RPL7A: variants seen among roughly 807,000 people sequenced by gnomAD.
RPL7A encodes the protein large ribosomal subunit protein eL8.
For missense variants in RPL7A, 291 were observed against 338.2 expected (o/e 0.86, Z 1.09); for synonymous variants, 158 against 128.2 (o/e 1.23, Z -1.57).
rs1836301567 is a variant in RPL7A, at chr9:133,349,022, G to A, written c.104G>A (p.Arg35Lys). The A allele has an allele frequency of 6.2e-7, 1 of 1,613,934 alleles. No homozygotes were observed. Among genetic ancestry groups the A allele is most frequent in the Non-Finnish European group, 8.5e-7 (1 of 1,179,948 alleles). Residue 35 changes from arginine to lysine, a missense_variant, in exon 2 of 8, where the codon AGG (arginine) becomes AAG (lysine). Coordinates refer to ENST00000323345, the MANE Select transcript of RPL7A (RefSeq NM_000972.3). ...KKVVNPLFEK[R>K]PKNFGIGQDI... is the part of the protein sequence containing the mutation. ...GTGGTGAATCCCCTGTTTGAGAAAA[G>A]GCCTAAGAATTTTGGCATTGGTAAG...
chr9:133,351,068 T>G lies in RPL7A; in HGVS notation c.693T>G (p.Asp231Glu). The change falls in exon 7 of 8, where the codon GAT becomes GAG. Residue 231 changes from aspartate (D) to glutamate (E), a missense_variant. Asp to Glu is a conservative substitution (Grantham distance 45, BLOSUM62 2). Transcript: ENST00000323345. ...AIRTNYNDRY[D>E]EIRRHWGGNV... ...GGACCAATTACAATGACAGATACGATGAGGTAAGAGGCAGCTTTACACCAA... is the reference window on the plus strand; with the variant it reads ...GGACCAATTACAATGACAGATACGAGGAGGTAAGAGGCAGCTTTACACCAA... 1 of 1,613,888 alleles carries G rather than the reference T, an allele frequency of 6.2e-7. No homozygotes were observed. Among genetic ancestry groups the G allele is most frequent in the Non-Finnish European group, 8.5e-7 (1 of 1,179,910 alleles).
At chr9:133,348,684 G>A in intron 1 of RPL7A, 4 of 711,064 alleles carry the variant, frequency 5.6e-6, no homozygotes, top group Non-Finnish European at 1.0e-5. Context: ...CGAAGAGAGC[G>A]TGGTCTCGGG....
intron 1 of RPL7A, 155 bp downstream of exon 1, chr9:133,348,401 C>T (rs1296550577): frequency 1.1e-5 from 12 of 1,081,302 alleles, no homozygotes; most frequent in East Asian, 2.4e-5. Flanking sequence ...GGATTAGAGC[C>T]CCACTTGGTG....
intron 7 of RPL7A, 80 bp from the exon 8 acceptor site, chr9:133,351,182 A>G: frequency 6.5e-7 from 1 of 1,544,358 alleles, no homozygotes; most frequent in Non-Finnish European, 8.9e-7. Flanking sequence ...GGAACAGCCA[A>G]ACAGAATTAA....
intron 6 of RPL7A, 28 bp downstream of exon 6, chr9:133,350,755 C>A: frequency 1.2e-6 from 2 of 1,608,570 alleles, no homozygotes; most frequent in Non-Finnish European, 1.7e-6. Flanking sequence ...CCCCAAACTT[C>A]CCCCCAGTTC....
rs1417901478 is a variant in RPL7A at position 133,348,914 on chromosome 9, C to T, written c.4-8C>T. ...CGGCGGTTTAACTGACGTTTTCTTT[C>T]TGCCCAGCCGAAAGGAAAGAAGGCC... On this transcript the variant is annotated splice_polypyrimidine_tract_variant and splice_region_variant and intron_variant, in intron 1 of 7. Coordinates refer to ENST00000323345, the MANE Select transcript of RPL7A (RefSeq NM_000972.3). The T allele has an allele frequency of 1.9e-6, 3 of 1,613,374 alleles. No homozygotes were observed. Among genetic ancestry groups the T allele is most frequent in the Middle Eastern group, 1.6e-4 (1 of 6,078 alleles).
At chr9:133,348,650 G>A in intron 1 of RPL7A, 2 of 673,484 alleles carry the variant, frequency 3.0e-6, no homozygotes, top group Non-Finnish European at 5.5e-6. Context: ...TCATGAGTCC[G>A]GGGTGTCTCC....
chr9:133,348,823 T>C (rs1393772105), intron 1 of RPL7A, 99 bp from the exon 2 acceptor site: 2 of 1,584,890 alleles, frequency 1.3e-6, no homozygotes, highest in East Asian at 2.2e-5. Context: ...TTCAGGCAGG[T>C]GCTGTCAGCG....
rs1836397147 is a variant in RPL7A, at chr9:133,351,410, A to T, written c.*44A>T. On this transcript the variant is annotated 3_prime_UTR_variant, in exon 8 of 8. Transcript: ENST00000323345. ...TCTGTACATAAAAATAATTGAAATAATACAAATTTTCCTTCAGCCAGTGTC... is the reference window on the plus strand; with the variant it reads ...TCTGTACATAAAAATAATTGAAATATTACAAATTTTCCTTCAGCCAGTGTC... 7.1e-7 allele frequency: 1 copy of T among 1,406,156 alleles called. No homozygotes were observed. Among genetic ancestry groups the T allele is most frequent in the Admixed American group, 1.8e-5 (1 of 56,586 alleles). The allele number at this position is 1,406,156 out of a possible 1,614,324, so 87.1% of individuals were successfully genotyped here. A position where few individuals can be genotyped will look rare whatever the true frequency, so the allele number is the denominator to read the frequency against.
chr9:133,348,490 G>A, intron 1 of RPL7A: 1 of 617,194 alleles, frequency 1.6e-6, no homozygotes, highest in Non-Finnish European at 2.8e-6. Context: ...CGCAGGGCTG[G>A]GTGTCGCAGG....
intron 7 of RPL7A, 39 bp downstream of exon 7, chr9:133,351,110 A>T (rs2129998178): frequency 6.3e-7 from 1 of 1,599,942 alleles, no homozygotes; most frequent in Non-Finnish European, 8.6e-7. Flanking sequence ...GTCATTCACA[A>T]ATCTTTCTCC....
intron 2 of RPL7A, 92 bp from the exon 3 acceptor site, chr9:133,349,459 A>C (rs958569236): frequency 2.0e-6 from 3 of 1,486,760 alleles, no homozygotes; most frequent in Non-Finnish European, 2.8e-6. Flanking sequence ...AACCACCAAG[A>C]TCGCTGATGC....
rs2129984440 is a variant in RPL7A, at chr9:133,349,250, T to C, written c.124+208T>C. 72 of 746,796 alleles carry C rather than the reference T, an allele frequency of 9.6e-5. No homozygotes were observed. The African/African-American group carries it at 1.1e-3, about 11-fold the overall frequency. The allele number at this position is 746,796 out of a possible 1,614,324, so 46.3% of individuals were successfully genotyped here. On this transcript the variant is annotated intron_variant, in intron 2 of 7. Coordinates refer to ENST00000323345, the MANE Select transcript of RPL7A (RefSeq NM_000972.3). ...CATTCAGCTCAATATGGTAGTGGCC[T>C]TGAATTCAGCTTAGCCATCTGGAAA... is the stretch of plus-strand genomic sequence containing the variant.
At chr9:133,351,179 C>T in intron 7 of RPL7A, 83 bp from the exon 8 acceptor site, 1 of 1,541,212 alleles carries the variant, frequency 6.5e-7, no homozygotes, top group Non-Finnish European at 8.9e-7. Context: ...CTTGGAACAG[C>T]CAAACAGAAT....
intron 6 of RPL7A, 123 bp downstream of exon 6, chr9:133,350,850 C>T: frequency 1.9e-6 from 3 of 1,539,534 alleles, no homozygotes; most frequent in Non-Finnish European, 2.7e-6. Context: ...GAACTTTTGC[C>T]AATGATGGTT....
chr9:133,350,492 G>T, intron 5 of RPL7A, 105 bp from the exon 6 acceptor site: 1 of 1,580,750 alleles, frequency 6.3e-7, no homozygotes, highest in Non-Finnish European at 8.7e-7. Flanking sequence ...ATTCAACCTT[G>T]AAGTGCGAAT....
In RPL7A at chr9:133,348,233, C is replaced by G. The variant is rs200168190; in HGVS notation, c.-11C>G. ...ATTCCCTTTCCTTTCTCTCTCCTCC[C>G]GCCGCCCAAGATGGTGAGTGAGCTG... is the stretch of plus-strand genomic sequence containing the variant. On this transcript the variant is annotated 5_prime_UTR_variant, in exon 1 of 8. Coordinates refer to ENST00000323345, the MANE Select transcript of RPL7A (RefSeq NM_000972.3). 1 of 1,613,996 alleles carries G rather than the reference C, an allele frequency of 6.2e-7. No homozygotes were observed. Among genetic ancestry groups the G allele is most frequent in the Non-Finnish European group, 8.5e-7 (1 of 1,180,004 alleles).
intron 5 of RPL7A, 85 bp downstream of exon 5, chr9:133,350,404 G>C: frequency 6.5e-7 from 1 of 1,539,298 alleles, no homozygotes; most frequent in East Asian, 2.2e-5. Flanking sequence ...TCAGTGATGG[G>C]ACCGAAGTGG....
chr9:133,350,981 G>A (rs2129997418), intron 6 of RPL7A, 21 bp from the exon 7 acceptor site: 10 of 1,613,624 alleles, frequency 6.2e-6, no homozygotes, highest in Admixed American at 3.3e-5. Context: ...ACCCACTTTT[G>A]TTTCCCCTCC....
Sources: allele counts gnomAD v4.1 joint callset, GRCh38; gene constraint gnomAD v4.1.1; transcripts MANE v1.5; gene names NCBI Gene and HGNC (gene_info 2026-07-23, HGNC 2026-07-21).